The following UBE3B variants were observed in gnomAD, a reference collection of about 807,000 sequenced individuals.
The protein encoded by UBE3B is ubiquitin protein ligase E3B.
Under a neutral mutation model 132.3 loss-of-function variants are expected in UBE3B, and 80 were observed. The ratio of observed to expected loss-of-function variants is 0.60; its 90% CI spans 0.50 to 0.73. The LOEUF is 0.73. Among genes scored for constraint, UBE3B ranks in the 30% least tolerant of loss-of-function variants. UBE3B has a pLI of 0.00. For synonymous variants in UBE3B, 487 were observed against 520.4 expected, an observed-to-expected ratio of 0.94 and a Z score of 0.87; for missense variants, 1,196 against 1,362.5, an observed-to-expected ratio of 0.88 and a Z score of 1.92.
chr12:109,489,960 A>G lies in UBE3B; in HGVS notation c.586A>G (p.Ile196Val), dbSNP rs1877154321. Residue 196 changes from isoleucine to valine, a missense_variant, in exon 8 of 28, where the codon ATA (isoleucine) becomes GTA (valine). By Grantham distance (29) the Ile-to-Val change is conservative. Coordinates refer to ENST00000342494, the MANE Select transcript of UBE3B (RefSeq NM_130466.4). ...AGCGATGAACCACATTTGTGCAAATATAATGGGACATCTCAACCAGCATGG... is the reference window on the plus strand; with the variant it reads ...AGCGATGAACCACATTTGTGCAAATGTAATGGGACATCTCAACCAGCATGG... ...RPAMNHICAN[I>V]MGHLNQHGFY... 2 of 1,614,238 alleles carry G rather than the reference A, an allele frequency of 1.2e-6. No homozygotes were observed. The highest frequency in any genetic ancestry group is 1.1e-5 in the South Asian group (1 of 91,086).
intron 27 of UBE3B, 110 bp downstream of exon 27, chr12:109,533,668 GC>G: frequency 8.8e-7 from 1 of 1,137,936 alleles, no homozygotes; most frequent in Non-Finnish European, 1.3e-6. Context: ...AAGGCAGGCA[GC>G]TGGACCCCTC....
At chr12:109,516,964 C>T (rs564520180) in intron 19 of UBE3B, 80 bp downstream of exon 19, 1 of 1,547,874 alleles carries the variant, frequency 6.5e-7, no homozygotes, top group African/African-American at 1.4e-5. Context: ...CGGTCTCTGG[C>T]TTTTGAACTG....
chr12:109,504,320 C>T (rs1056903593), intron 14 of UBE3B, among the ~76,000 whole-genome samples: 2 of 152,238 alleles, frequency 1.3e-5, no homozygotes, highest in Non-Finnish European at 2.9e-5. Flanking sequence ...CAAATGCCCC[C>T]TGGGAGGCAA....
chr12:109,529,926 G>A lies in UBE3B; in HGVS notation c.2664G>A (p.Met888Ile). Residue 888 changes from methionine (M) to isoleucine (I), a missense_variant, in exon 25 of 28, where the codon ATG becomes ATA. By Grantham distance (10) the Met-to-Ile change is conservative. Coordinates refer to ENST00000342494, the MANE Select transcript of UBE3B (RefSeq NM_130466.4). The stretch of plus-strand genomic sequence containing the variant: ...TCCATCTGATGGCACATTTTCGAAT[G>A]CACACTCAAATAAAAAACCAAACAG... ...SYIHLMAHFR[M>I]HTQIKNQTAA... The A allele has an allele frequency of 6.2e-7, 1 of 1,614,164 alleles. No homozygotes were observed. Among genetic ancestry groups the A allele is most frequent in the Non-Finnish European group, 8.5e-7 (1 of 1,180,040 alleles).
chr12:109,547,772 C>T, the UBE3B span, among the ~76,000 whole-genome samples: 1 of 152,072 alleles, frequency 6.6e-6, no homozygotes, highest in Non-Finnish European at 1.5e-5. This position sits in a 1 kb window ranked among gnomAD's most constrained non-coding sequence, Gnocchi z 4.1. Context: ...CCCAGGTTCC[C>T]CACGGTGCGC....
chr12:109,482,199 T>G (rs1027919821), intron 2 of UBE3B, among the ~76,000 whole-genome samples: 1 of 152,260 alleles, frequency 6.6e-6, no homozygotes, highest in Non-Finnish European at 1.5e-5. Context: ...AATTTCTTTG[T>G]ATGGATGTAG....
chr12:109,493,300 C>A (rs549446436), intron 9 of UBE3B, among the ~76,000 whole-genome samples: 1 of 152,176 alleles, frequency 6.6e-6, no homozygotes, highest in Non-Finnish European at 1.5e-5. Context: ...CACACTGAGG[C>A]CTGAACTTTC....
intron 9 of UBE3B, among the ~76,000 whole-genome samples, chr12:109,495,720 C>CG (rs1445688616): frequency 6.6e-6 from 1 of 152,128 alleles, no homozygotes; most frequent in African/African-American, 2.4e-5. Context: ...AGGGATGGGC[C>CG]GAAATAAAGG....
In UBE3B at chr12:109,522,376, G is replaced by A. The variant is rs537604664; in HGVS notation, c.2364+825G>A. ...AAGGTGGGACCACCTTCAGTGGGAA[G>A]TCACCGCCTGTTCCTTGGGAGAGTC... On this transcript the variant is annotated intron_variant, in intron 21 of 27. Coordinates refer to ENST00000342494, the MANE Select transcript of UBE3B (RefSeq NM_130466.4). This position sits in a 1 kb window ranked among gnomAD's most constrained non-coding sequence, Gnocchi z 4.2. Among the ~76,000 whole-genome samples, 2 of 152,310 alleles carry A rather than the reference G, an allele frequency of 1.3e-5. No individual in the cohort carries two copies. The highest frequency in any genetic ancestry group is 3.9e-4 in the East Asian group (2 of 5,174).
chr12:109,524,335 A>G (rs930623404), intron 22 of UBE3B, 103 bp from the exon 23 acceptor site: 2 of 1,448,950 alleles, frequency 1.4e-6, no homozygotes. Flanking sequence ...TTCAGCAGCC[A>G]TGGGTGTTCC....
At chr12:109,501,089 T>G (rs1008834186) in intron 12 of UBE3B, among the ~76,000 whole-genome samples, 1 of 152,186 alleles carries the variant, frequency 6.6e-6, no homozygotes, top group Admixed American at 6.5e-5. Context: ...CAAGATTGTT[T>G]TTGTCACCTG....
At chr12:109,490,223 C>T (rs888291348) in intron 8 of UBE3B, 2 of 892,452 alleles carry the variant, frequency 2.2e-6, no homozygotes, top group Non-Finnish European at 3.5e-6. Flanking sequence ...GAATGCTCTA[C>T]ATTTTTGGCT....
intron 14 of UBE3B, among the ~76,000 whole-genome samples, chr12:109,503,452 T>C (rs988651943): frequency 2.1e-4 from 32 of 152,024 alleles, no homozygotes; most frequent in Non-Finnish European, 4.6e-4. Context: ...AAAGTTTCTG[T>C]TTTCTGAGTA....
rs1883330836 is a variant in UBE3B, at chr12:109,535,272, A to G, written c.*490A>G. ...CGCCAAGCCTCTATGCACCCCACAAAGTTTCTGCCTCCATGCCGTCCACAG... is the reference window on the plus strand; with the variant it reads ...CGCCAAGCCTCTATGCACCCCACAAGGTTTCTGCCTCCATGCCGTCCACAG... On this transcript the variant is annotated 3_prime_UTR_variant, in exon 28 of 28. Transcript: ENST00000342494. The G allele has an allele frequency of 6.6e-6, 1 of 152,316 alleles. No individual in the cohort carries two copies. The highest frequency in any genetic ancestry group is 1.5e-5 in the Non-Finnish European group (1 of 68,164). 9.4% of individuals were successfully genotyped at this position (152,316 alleles called of 1,614,324 possible).
At chr12:109,524,685 C>G (rs1259769203) in intron 23 of UBE3B, among the ~76,000 whole-genome samples, 182 bp downstream of exon 23, 5 of 152,274 alleles carry the variant, frequency 3.3e-5, no homozygotes, top group African/African-American at 1.2e-4. Flanking sequence ...TCCTTTCCTT[C>G]CCAGTTGACC....
rs557193181 is a variant in UBE3B, at chr12:109,524,653, C to G, written c.2568+150C>G. On this transcript the variant is annotated intron_variant, in intron 23 of 27. Transcript: ENST00000342494. ...CACCCCTCGCCCATCCTCCTCCCCT[C>G]TTGCCAGGAGGGAGGGCCCCCTCCT... 11 of 835,746 alleles carry G rather than the reference C, an allele frequency of 1.3e-5. No individual in the cohort carries two copies. In the East Asian group the frequency reaches 2.7e-4, roughly 21 times the overall value. The allele number at this position is 835,746 out of a possible 1,614,324, so 51.8% of individuals were successfully genotyped here.
intron 10 of UBE3B, 108 bp from the exon 11 acceptor site, chr12:109,498,125 G>C: frequency 6.6e-7 from 1 of 1,504,270 alleles, no homozygotes; most frequent in Admixed American, 1.9e-5. Context: ...CTTGGTGTTT[G>C]CTAGCACATC....
At chr12:109,537,997 G>A (rs537986548), downstream of UBE3B, among the ~76,000 whole-genome samples, 12 of 152,294 alleles carry the variant, frequency 7.9e-5, no homozygotes, top group Admixed American at 3.3e-4. Flanking sequence ...CACCGCGCCC[G>A]GCCAACATTC....
At chr12:109,497,079 G>T (rs1878293173) in intron 9 of UBE3B, among the ~76,000 whole-genome samples, 1 of 151,866 alleles carries the variant, frequency 6.6e-6, no homozygotes, top group Non-Finnish European at 1.5e-5. Context: ...GTGTGGGATA[G>T]GGACCATTAT....
Sources: allele counts gnomAD v4.1 joint callset (sites outside exome capture counted in the v4.1 genomes callset), GRCh38; gene constraint gnomAD v4.1.1; non-coding constraint Gnocchi (gnomAD v3.1); transcripts MANE v1.5; gene names NCBI Gene and HGNC (gene_info 2026-07-23, HGNC 2026-07-21).